OMD: variants seen among roughly 807,000 people sequenced by gnomAD.
The protein encoded by OMD is osteomodulin.
OMD carries 19 observed loss-of-function variants against 31.2 expected under a neutral mutation model. That is an observed-to-expected ratio of 0.61 (90% CI 0.42 to 0.89). The LOEUF (loss-of-function observed/expected upper bound fraction) is 0.89, where lower values mean the gene tolerates loss of function less well. Among genes scored for constraint, OMD ranks in the 40% least tolerant of loss-of-function variants. The pLI is 0.00. For missense variants in OMD, 448 were observed against 490.8 expected, an observed-to-expected ratio of 0.91 and a Z score of 0.82; for synonymous variants, 155 against 166.4, an observed-to-expected ratio of 0.93 and a Z score of 0.53.
At position 92,416,072 on chromosome 9, in the gene OMD, T is replaced by TATATATA. The variant is rs368634649; in HGVS notation, c.940+546_940+547insTATATAT. On this transcript the variant is annotated intron_variant, in intron 2 of 2. Transcript: ENST00000375550. ...TATATATGTGTGTATATATATATAT[T>TATATATA]TATTTATTTATTTATTTATTTATTT... Among the ~76,000 whole-genome samples the TATATATA allele has an allele frequency of 2.7e-3, 333 of 125,362 alleles. 4 individuals carry two copies. Among genetic ancestry groups the TATATATA allele is most frequent in the Middle Eastern group, 0.017 (4 of 238 alleles). The allele number at this position is 125,362 out of a possible 152,430, so 82.2% of individuals were successfully genotyped here.
intron 2 of OMD, among the ~76,000 whole-genome samples, chr9:92,416,058 G>GTGTATATATATATATATATATATATA (rs6151074): frequency 7.6e-6 from 1 of 130,930 alleles, no homozygotes; most frequent in Non-Finnish European, 1.6e-5. Context: ...ATATATGTGT[G>GTGTATATATATATATATATATATATA]TATATATATA....
Position 92,415,402 on chromosome 9 carries a change from T to C in OMD, c.1016A>G (p.Gln339Arg). 1.2e-6 allele frequency: 2 copies of C among 1,613,714 alleles called. No homozygotes were observed. The highest frequency in any genetic ancestry group is 2.7e-5 in the African/African-American group (2 of 75,042). Residue 339 changes from glutamine (Q) to arginine (R), a missense_variant, in exon 3 of 3, where the codon CAA (glutamine) becomes CGA (arginine). Transcript: ENST00000375550. ...GCTTATTGGTTCTTTTAGTTTATTTTGGTCCACACGAATGTATGTTAAATG... is the reference window on the plus strand; with the variant it reads ...GCTTATTGGTTCTTTTAGTTTATTTCGGTCCACACGAATGTATGTTAAATG... The part of the protein sequence containing the change: ...YHHLTYIRVD[Q>R]NKLKEPISSY...
At chr9:92,421,909 G>C (rs976260610) in intron 1 of OMD, among the ~76,000 whole-genome samples, 3 of 152,092 alleles carry the variant, frequency 2.0e-5, no homozygotes, top group East Asian at 1.9e-4. Flanking sequence ...AGACAGGAAA[G>C]TCTTTTGTAG....
chr9:92,424,160 G>A (rs903390325), intron 1 of OMD, 42 bp downstream of exon 1: 2 of 151,916 alleles, frequency 1.3e-5, no homozygotes, highest in African/African-American at 2.4e-5. Context: ...TTAACAGTAG[G>A]AATACATTCT....
chr9:92,418,787 C>A (rs1422254509), intron 1 of OMD, among the ~76,000 whole-genome samples: 1 of 152,044 alleles, frequency 6.6e-6, no homozygotes, highest in Non-Finnish European at 1.5e-5. Flanking sequence ...TATTTTCTGT[C>A]CAAAACTAAC....
In OMD at chr9:92,416,106, T is replaced by TATTTA. The variant is rs1371823193; in HGVS notation, c.940+512_940+513insTAAAT. ...TATTTATTTATTTATTTATTTTATT[T>TATTTA]TTTTTTTTTTTAAGACAGAGTTTTG... is the stretch of plus-strand genomic sequence containing the variant. On this transcript the variant is annotated intron_variant, in intron 2 of 2. Coordinates refer to ENST00000375550, the MANE Select transcript of OMD (RefSeq NM_005014.3). Among the ~76,000 whole-genome samples the TATTTA allele has an allele frequency of 4.2e-5, 6 of 142,330 alleles. 1 individual carries two copies. The highest frequency in any genetic ancestry group is 1.6e-4 in the African/African-American group (6 of 38,538). The allele number at this position is 142,330 out of a possible 152,430, so 93.4% of individuals were successfully genotyped here. A position where few individuals can be genotyped will look rare whatever the true frequency, so the allele number is the denominator to read the frequency against.
intron 2 of OMD, among the ~76,000 whole-genome samples, chr9:92,416,147 C>G (rs1385680046): frequency 6.8e-6 from 1 of 147,800 alleles, no homozygotes; most frequent in Admixed American, 6.9e-5. Flanking sequence ...TCATCCAGGC[C>G]AGAAAGCAGT....
In OMD at chr9:92,414,862, T is replaced by G. The variant is rs1843541391; in HGVS notation, c.*290A>C. On this transcript the variant is annotated 3_prime_UTR_variant, in exon 3 of 3. Transcript: ENST00000375550. ...TGTTAATAGAAATGATACACTCACT[T>G]TCTTTAACATGATATTTCTATATTT... is the stretch of plus-strand genomic sequence containing the variant. 1 of 265,860 alleles carries G rather than the reference T, an allele frequency of 3.8e-6. No individual in the cohort carries two copies. The highest frequency in any genetic ancestry group is 7.1e-6 in the Non-Finnish European group (1 of 141,324). The allele number at this position is 265,860 out of a possible 1,614,324, so 16.5% of individuals were successfully genotyped here. A position where few individuals can be genotyped will look rare whatever the true frequency, so the allele number is the denominator to read the frequency against.
rs775867214 is a variant in OMD, at chr9:92,417,291, G to T, written c.268C>A (p.Pro90Thr). 1.2e-5 allele frequency: 20 copies of T among 1,614,070 alleles called. No individual in the cohort carries two copies. The highest frequency in any genetic ancestry group is 1.6e-5 in the Non-Finnish European group (19 of 1,179,988). Reference protein sequence around the residue: ...NRKLKTIPNIPMHIQQLYLQF... With the variant: ...NRKLKTIPNITMHIQQLYLQF... ...AGGTAGAGTTGCTGAATGTGCATCGGAATATTTGGGATAGTCTTGAGTTTG... is the reference window on the plus strand; with the variant it reads ...AGGTAGAGTTGCTGAATGTGCATCGTAATATTTGGGATAGTCTTGAGTTTG... Residue 90 changes from proline to threonine, a missense_variant, in exon 2 of 3, where the codon CCG (proline) becomes ACG (threonine). Coordinates refer to ENST00000375550, the MANE Select transcript of OMD (RefSeq NM_005014.3).
chr9:92,418,269 T>C (rs562656230), intron 1 of OMD, among the ~76,000 whole-genome samples: 56 of 151,928 alleles, frequency 3.7e-4, no homozygotes, highest in African/African-American at 1.3e-3. Context: ...GTATTGTTAG[T>C]AGAGACGGGG....
In OMD at chr9:92,416,740, T is replaced by C. The variant is rs769951597; in HGVS notation, c.819A>G (p.Pro273=). Residue 273 remains proline, a synonymous_variant, in exon 2 of 3, where the codon CCA becomes CCG. Coordinates refer to ENST00000375550, the MANE Select transcript of OMD (RefSeq NM_005014.3). ...TGTTGGGAAGATTAAAAATATTATA[T>C]GGGATGTCTTGTAGTTTGTTGTGTG... ...RMSHNKLQDI[P]YNIFNLPNIV... The C allele has an allele frequency of 6.2e-7, 1 of 1,613,608 alleles. No individual in the cohort carries two copies. Among genetic ancestry groups the C allele is most frequent in the Non-Finnish European group, 8.5e-7 (1 of 1,179,588 alleles).
chr9:92,415,233 A>C lies in OMD; in HGVS notation c.1185T>G (p.Asp395Glu), dbSNP rs536987656. Residue 395 changes from aspartate to glutamate, a missense_variant, in exon 3 of 3, where the codon GAT (aspartate) becomes GAG (glutamate). By Grantham distance (45) the Asp-to-Glu change is conservative. Coordinates refer to ENST00000375550, the MANE Select transcript of OMD (RefSeq NM_005014.3). The stretch of plus-strand genomic sequence containing the variant: ...CTGGGCTCTCATGAGCATTGTCAGG[A>C]TCATCGTGATCTTCACTTTCATCAT... ...DDDDESEDHDDPDNAHESPEQ... is the reference protein window; with the variant it reads ...DDDDESEDHDEPDNAHESPEQ... 6 of 1,613,794 alleles carry C rather than the reference A, an allele frequency of 3.7e-6. No homozygotes were observed. Among genetic ancestry groups the C allele is most frequent in the Non-Finnish European group, 5.1e-6 (6 of 1,179,790 alleles).
intron 1 of OMD, among the ~76,000 whole-genome samples, chr9:92,420,574 T>G (rs1843759714): frequency 6.6e-6 from 1 of 152,218 alleles, no homozygotes; most frequent in South Asian, 2.1e-4. Context: ...ACGCTACTGT[T>G]TTGTAACTTT....
At chr9:92,423,090 G>A (rs1227502779) in intron 1 of OMD, among the ~76,000 whole-genome samples, 1 of 152,098 alleles carries the variant, frequency 6.6e-6, no homozygotes, top group Non-Finnish European at 1.5e-5. Context: ...ATTATTCCTA[G>A]GCATTTATTT....
rs1843499539 is a variant in OMD, at chr9:92,413,373, T to C, written c.*1779A>G. Among the ~76,000 whole-genome samples the C allele has an allele frequency of 6.6e-6, 1 of 152,162 alleles. No individual in the cohort carries two copies. Among genetic ancestry groups the C allele is most frequent in the Non-Finnish European group, 1.5e-5 (1 of 68,020 alleles). On this transcript the variant is annotated 3_prime_UTR_variant, in exon 3 of 3. Transcript: ENST00000375550. ...ACTCCTTCCAAAGGTGTATGAAGGC[T>C]CCAATTTTTCCACATCTTGCCAACA...
At chr9:92,420,443 A>G (rs1843755242) in intron 1 of OMD, among the ~76,000 whole-genome samples, 1 of 152,158 alleles carries the variant, frequency 6.6e-6, no homozygotes, top group Admixed American at 6.5e-5. Context: ...TGACTGTCAC[A>G]GCTGAATGTA....
At chr9:92,422,167 C>T (rs1392992483) in intron 1 of OMD, among the ~76,000 whole-genome samples, 1 of 152,054 alleles carries the variant, frequency 6.6e-6, no homozygotes, top group Non-Finnish European at 1.5e-5. Context: ...TCTTGTGCCT[C>T]AGCCTCCTGA....
At chr9:92,416,103 A>AT (rs1196539814) in intron 2 of OMD, among the ~76,000 whole-genome samples, 3,200 of 128,208 alleles carry the variant, frequency 0.025, 105 homozygotes, top group African/African-American at 0.072. Flanking sequence ...TATTTATTTT[A>AT]TTTTTTTTTT....
intron 1 of OMD, among the ~76,000 whole-genome samples, chr9:92,423,800 C>G (rs1443499355): frequency 6.6e-6 from 1 of 151,910 alleles, no homozygotes; most frequent in Non-Finnish European, 1.5e-5. Flanking sequence ...GCCCATCAAC[C>G]CCCCAACCGG....
Sources: allele counts gnomAD v4.1 joint callset (sites outside exome capture counted in the v4.1 genomes callset), GRCh38; gene constraint gnomAD v4.1.1; transcripts MANE v1.5; gene names NCBI Gene and HGNC (gene_info 2026-07-23, HGNC 2026-07-21).